ISM1: variants seen among roughly 807,000 people sequenced by gnomAD.
ISM1 encodes the protein isthmin-1.
In ISM1, 25 loss-of-function variants were observed where a neutral mutation model predicts 46.3. The observed-to-expected ratio is 0.54, with a 90% CI of 0.39 to 0.75. The LOEUF (loss-of-function observed/expected upper bound fraction) is 0.75, where lower values mean the gene tolerates loss of function less well. ISM1 is among the 30% of genes least tolerant of loss of function. The pLI, the probability that ISM1 is intolerant of heterozygous loss-of-function variation, is 0.00. For synonymous variants in ISM1, 255 were observed against 256.7 expected (o/e 0.99, Z 0.06); for missense variants, 536 against 625.4 (o/e 0.86, Z 1.52).
chr20:13,236,505 T>G (rs1291735440), intron 1 of ISM1, among the ~76,000 whole-genome samples: 1 of 152,086 alleles, frequency 6.6e-6, no homozygotes, highest in Non-Finnish European at 1.5e-5. Flanking sequence ...TCCTAACATT[T>G]CAAAACCAAT....
intron 1 of ISM1, among the ~76,000 whole-genome samples, chr20:13,241,903 C>A (rs1201246390): frequency 6.6e-6 from 1 of 151,648 alleles, no homozygotes; most frequent in Non-Finnish European, 1.5e-5. Context: ...TGTTGCCAGT[C>A]AAATATATAA....
intron 4 of ISM1, 105 bp from the exon 5 acceptor site, chr20:13,292,269 T>C (rs768558360): frequency 4.5e-5 from 32 of 711,830 alleles, no homozygotes; most frequent in African/African-American, 7.2e-5. Context: ...TAGTAATGAA[T>C]ACAAAAAAGG....
intron 1 of ISM1, among the ~76,000 whole-genome samples, chr20:13,256,034 G>T (rs771315754): frequency 6.6e-5 from 10 of 152,034 alleles, no homozygotes; most frequent in Non-Finnish European, 1.5e-4. Context: ...CAGCCAGTAG[G>T]AGAGCATCAG....
chr20:13,276,311 C>T (rs775128426), intron 2 of ISM1, among the ~76,000 whole-genome samples: 2 of 152,152 alleles, frequency 1.3e-5, no homozygotes, highest in Non-Finnish European at 2.9e-5. Flanking sequence ...TTTATTATCA[C>T]CTAGACTGAG....
In ISM1 at chr20:13,266,816, C is replaced by A. The variant is rs1211613444; in HGVS notation, c.139-3688C>A. 2.6e-5 allele frequency among the ~76,000 whole-genome samples: 4 copies of A among 152,310 alleles called. No homozygotes were observed. The East Asian group carries it at 7.7e-4, about 29-fold the overall frequency. ...ATTTTACTTTTAACCTTGAGATCCA[C>A]CCCTCTTGAAAATCTTTACTCTGCT... On this transcript the variant is annotated intron_variant, in intron 1 of 5. Coordinates refer to ENST00000262487, the MANE Select transcript of ISM1 (RefSeq NM_080826.2).
intron 1 of ISM1, among the ~76,000 whole-genome samples, chr20:13,250,548 C>T (rs1201734850): frequency 1.3e-5 from 2 of 152,144 alleles, no homozygotes; most frequent in Non-Finnish European, 2.9e-5. Flanking sequence ...ACATTGGAAT[C>T]GCCTGGGGAT....
chr20:13,323,111 G>A, the ISM1 span, among the ~76,000 whole-genome samples: 1 of 152,096 alleles, frequency 6.6e-6, no homozygotes, highest in South Asian at 2.1e-4. Context: ...TAGGAACTAA[G>A]AGCAATCAGA....
chr20:13,225,061 G>A (rs1297820612), intron 1 of ISM1, among the ~76,000 whole-genome samples: 4 of 149,714 alleles, frequency 2.7e-5, no homozygotes, highest in African/African-American at 9.9e-5. Context: ...CACCGTGTTA[G>A]CCAGGATGGT....
At chr20:13,245,140 A>G (rs139658047) in intron 1 of ISM1, 7 of 152,310 alleles carry the variant, frequency 4.6e-5, no homozygotes, top group African/African-American at 1.7e-4. Context: ...CTATTGCTGT[A>G]TAACAAATTA....
At chr20:13,291,379 T>G (rs138580560) in intron 4 of ISM1, among the ~76,000 whole-genome samples, 5 of 152,334 alleles carry the variant, frequency 3.3e-5, no homozygotes, top group African/African-American at 1.2e-4. Context: ...GGGCAAAGTC[T>G]CCCTGGCCTG....
chr20:13,229,042 T>C (rs2039559518), intron 1 of ISM1, among the ~76,000 whole-genome samples: 1 of 152,162 alleles, frequency 6.6e-6, no homozygotes, highest in Non-Finnish European at 1.5e-5. Flanking sequence ...CTAAATTCTA[T>C]AGCCTCTTTT....
chr20:13,241,510 G>T (rs530443737), intron 1 of ISM1, among the ~76,000 whole-genome samples: 1 of 152,118 alleles, frequency 6.6e-6, no homozygotes, highest in Admixed American at 6.5e-5. Flanking sequence ...ACAGAAGCAG[G>T]AAAGCTTGTT....
chr20:13,231,976 A>G (rs1226138809), intron 1 of ISM1, among the ~76,000 whole-genome samples: 1 of 152,196 alleles, frequency 6.6e-6, no homozygotes, highest in African/African-American at 2.4e-5. Flanking sequence ...AAGAATGCAG[A>G]GAAGGTGGAA....
downstream of ISM1, among the ~76,000 whole-genome samples, chr20:13,302,540 A>G (rs533616887): frequency 1.6e-3 from 244 of 152,280 alleles, 2 homozygotes; most frequent in Non-Finnish European, 2.6e-3. Flanking sequence ...CAGGCAGTTC[A>G]CTCAGTGGGC....
intron 1 of ISM1, among the ~76,000 whole-genome samples, chr20:13,229,995 T>C (rs1365272547): frequency 6.6e-6 from 1 of 152,242 alleles, no homozygotes; most frequent in Admixed American, 6.5e-5. Flanking sequence ...TTCTTAATTT[T>C]ATTTTCCTTT....
At chr20:13,302,097 T>C (rs1175712453), downstream of ISM1, among the ~76,000 whole-genome samples, 1 of 152,230 alleles carries the variant, frequency 6.6e-6, no homozygotes, top group Non-Finnish European at 1.5e-5. Context: ...TGGCAAGTTA[T>C]GGAGCCATGT....
At chr20:13,236,419 G>C (rs1422807655) in intron 1 of ISM1, among the ~76,000 whole-genome samples, 4 of 152,160 alleles carry the variant, frequency 2.6e-5, no homozygotes, top group African/African-American at 9.7e-5. Context: ...AATTCTGGGA[G>C]AAACAATTCG....
At chr20:13,282,050 G>A (rs566753573) in intron 3 of ISM1, among the ~76,000 whole-genome samples, 4 of 152,252 alleles carry the variant, frequency 2.6e-5, no homozygotes, top group East Asian at 1.9e-4. Flanking sequence ...CCAGAAATCC[G>A]TTTGAACAAG....
At chr20:13,306,585 A>AAAAAAAAAAAAAAAAAAAAAAAAAAAT in the ISM1 span, among the ~76,000 whole-genome samples, 1 of 143,250 alleles carries the variant, frequency 7.0e-6, no homozygotes, top group African/African-American at 2.5e-5. Flanking sequence ...AAAAAAAAAA[A>AAAAAAAAAAAAAAAAAAAAAAAAAAAT]AGCAAAGAAA....
Sources: gnomAD v4.1 joint callset for allele counts (sites outside exome capture counted in the v4.1 genomes callset) on GRCh38, gnomAD v4.1.1 for gene constraint, MANE v1.5 for transcripts, NCBI Gene and HGNC (gene_info 2026-07-23, HGNC 2026-07-21) for gene names.